Variants in RPS6KA5 observed in about 807,000 individuals in gnomAD.
RPS6KA5 encodes ribosomal protein S6 kinase A5, also known as ribosomal protein S6 kinase alpha-5.
Under a neutral mutation model 85.5 loss-of-function variants are expected in RPS6KA5, and 27 were observed. The ratio of observed to expected loss-of-function variants is 0.32; its 90% CI spans 0.23 to 0.44. The LOEUF (loss-of-function observed/expected upper bound fraction) is 0.44. Among genes scored for constraint, RPS6KA5 ranks in the 20% least tolerant of loss-of-function variants. RPS6KA5 has a pLI of 1.00. For synonymous variants in RPS6KA5, 334 were observed against 348.2 expected (o/e 0.96, Z 0.46); for missense variants, 811 against 980.9 (o/e 0.83, Z 2.31).
At chr14:91,040,516 TTG>T (rs1430629284) in intron 1 of RPS6KA5, among the ~76,000 whole-genome samples, 1 of 152,102 alleles carries the variant, frequency 6.6e-6, no homozygotes, top group African/African-American at 2.4e-5. Context: ...TCCAAATGTT[TTG>T]TGTTTAGTGG....
chr14:90,988,129 C>A (rs1304073772), intron 2 of RPS6KA5, among the ~76,000 whole-genome samples: 2 of 152,212 alleles, frequency 1.3e-5, no homozygotes, highest in African/African-American at 4.8e-5. Flanking sequence ...TCAGAAAAAT[C>A]ATTCTGGCTC....
At chr14:90,945,043 G>A (rs2037801134) in intron 4 of RPS6KA5, among the ~76,000 whole-genome samples, 1 of 152,048 alleles carries the variant, frequency 6.6e-6, no homozygotes, top group South Asian at 2.1e-4. Context: ...TCTGAGCTCA[G>A]GAGTTTGAAA....
chr14:90,902,738 T>A, intron 9 of RPS6KA5, 70 bp downstream of exon 9: 1 of 1,412,948 alleles, frequency 7.1e-7, no homozygotes, highest in Non-Finnish European at 9.7e-7. Flanking sequence ...ACTACTTCAA[T>A]ATGGGAAATT....
intron 1 of RPS6KA5, among the ~76,000 whole-genome samples, chr14:91,016,287 G>T (rs570458229): frequency 6.6e-6 from 1 of 151,662 alleles, no homozygotes; most frequent in Non-Finnish European, 1.5e-5. Context: ...CATTGCCCAC[G>T]CTGGCCTTGA....
At chr14:90,916,146 T>C (rs1402304425) in intron 7 of RPS6KA5, among the ~76,000 whole-genome samples, 1 of 152,130 alleles carries the variant, frequency 6.6e-6, no homozygotes, top group African/African-American at 2.4e-5. Context: ...AAAATAATAA[T>C]TTCAGTTTAA....
intron 3 of RPS6KA5, among the ~76,000 whole-genome samples, chr14:90,974,410 G>A (rs2039469625): frequency 6.6e-6 from 1 of 152,190 alleles, no homozygotes; most frequent in South Asian, 2.1e-4. Context: ...GTTACAATTA[G>A]TAAAATATGA....
At position 90,861,803 on chromosome 14, in the gene RPS6KA5, C is replaced by T. The variant is rs1335829088; in HGVS notation, c.*10271G>A. The T allele has an allele frequency of 1.4e-5, 2 of 147,696 alleles. No individual in the cohort carries two copies. The highest frequency in any genetic ancestry group is 7.0e-5 in the Admixed American group (1 of 14,314). 9.1% of individuals were successfully genotyped at this position (147,696 alleles called of 1,614,324 possible). On this transcript the variant is annotated 3_prime_UTR_variant, in exon 17 of 17. Coordinates refer to ENST00000614987, the MANE Select transcript of RPS6KA5 (RefSeq NM_004755.4). ...ATCCCAGCTACTCGGGAGGCTGAGG[C>T]AGGAGAATCGCTTGAACCAGGGAAT...
At chr14:91,038,035 G>A (rs1205848230) in intron 1 of RPS6KA5, among the ~76,000 whole-genome samples, 2 of 152,314 alleles carry the variant, frequency 1.3e-5, no homozygotes, top group East Asian at 3.9e-4. Flanking sequence ...AGAGCTTAAG[G>A]AGAACAAGTA....
chr14:91,058,934 C>G (rs964499731), intron 1 of RPS6KA5, among the ~76,000 whole-genome samples: 1 of 152,184 alleles, frequency 6.6e-6, no homozygotes, highest in Non-Finnish European at 1.5e-5. Flanking sequence ...ACTGAAAGAA[C>G]TGACGGACAG....
chr14:90,947,782 T>G (rs1005885861), intron 3 of RPS6KA5, among the ~76,000 whole-genome samples: 1 of 152,216 alleles, frequency 6.6e-6, no homozygotes, highest in African/African-American at 2.4e-5. Flanking sequence ...GTATTGCCAT[T>G]AAAACTATTA....
At chr14:91,015,825 A>T (rs12893037) in intron 1 of RPS6KA5, among the ~76,000 whole-genome samples, 101,521 of 151,846 alleles carry the variant, frequency 0.67, 34,426 homozygotes, top group East Asian at 0.87. Flanking sequence ...CCTACTTTTT[A>T]AAAAAATGTT....
At chr14:90,881,378 G>A (rs1247347361) in intron 14 of RPS6KA5, among the ~76,000 whole-genome samples, 1 of 151,326 alleles carries the variant, frequency 6.6e-6, no homozygotes, top group African/African-American at 2.4e-5. Flanking sequence ...GCCTGAACTC[G>A]GGAGGCAGAG....
chr14:91,032,052 T>G (rs1374258657), intron 1 of RPS6KA5, among the ~76,000 whole-genome samples: 1 of 152,184 alleles, frequency 6.6e-6, no homozygotes, highest in Non-Finnish European at 1.5e-5. Context: ...CAGGTCCACT[T>G]AAACACCGTT....
intron 7 of RPS6KA5, among the ~76,000 whole-genome samples, chr14:90,912,991 A>G (rs1595196065): frequency 7.1e-6 from 1 of 140,748 alleles, no homozygotes; most frequent in African/African-American, 2.7e-5. Flanking sequence ...GCTCACTGCA[A>G]CCTCCGCCTC....
At chr14:91,040,276 C>T (rs915086441) in intron 1 of RPS6KA5, among the ~76,000 whole-genome samples, 2 of 152,070 alleles carry the variant, frequency 1.3e-5, no homozygotes, top group Admixed American at 6.5e-5. Context: ...GGTGTGGTGG[C>T]GCATGCCTGT....
At chr14:91,058,841 G>GA (rs1205368057) in intron 1 of RPS6KA5, among the ~76,000 whole-genome samples, 1 of 152,148 alleles carries the variant, frequency 6.6e-6, no homozygotes, top group African/African-American at 2.4e-5. Flanking sequence ...TAAGAAGCAT[G>GA]AATTTGACAT....
chr14:91,020,533 ACTGTGT>A lies in RPS6KA5; in HGVS notation c.104-19380_104-19375del, dbSNP rs1440771419. Among the ~76,000 whole-genome samples, 378 of 77,534 alleles carry A rather than the reference ACTGTGT, an allele frequency of 4.9e-3. 1 individual carries two copies. Among genetic ancestry groups the A allele is most frequent in the African/African-American group, 0.01 (170 of 16,708 alleles). 50.9% of individuals were successfully genotyped at this position (77,534 alleles called of 152,430 possible). A position where few individuals can be genotyped will look rare whatever the true frequency, so the allele number is the denominator to read the frequency against. ...AATCTCCTATGGATGCTAAGGAATG[ACTGTGT>A]GTGTGTGTGTGTGTGTGTGTGTGTG... is the stretch of plus-strand genomic sequence containing the variant. On this transcript the variant is annotated intron_variant, in intron 1 of 16. Transcript: ENST00000614987.
At chr14:91,026,654 G>A (rs1262592491) in intron 1 of RPS6KA5, among the ~76,000 whole-genome samples, 1 of 152,130 alleles carries the variant, frequency 6.6e-6, no homozygotes, top group Non-Finnish European at 1.5e-5. Flanking sequence ...ATTCATTTAG[G>A]CACATACTCA....
intron 1 of RPS6KA5, among the ~76,000 whole-genome samples, chr14:91,057,023 G>T (rs2043352674): frequency 6.6e-6 from 1 of 151,350 alleles, no homozygotes; most frequent in South Asian, 2.1e-4. Context: ...GGGACTACAG[G>T]TACGTGCCAC....
Sources: gnomAD v4.1 joint callset for allele counts (sites outside exome capture counted in the v4.1 genomes callset) on GRCh38, gnomAD v4.1.1 for gene constraint, MANE v1.5 for transcripts, NCBI Gene and HGNC (gene_info 2026-07-23, HGNC 2026-07-21) for gene names.